Variants in FHIT observed in about 807,000 individuals in gnomAD.
FHIT encodes the protein bis(5'-adenosyl)-triphosphatase.
FHIT carries 19 observed loss-of-function variants against 17.9 expected under a neutral mutation model. The ratio of observed to expected loss-of-function variants is 1.06; its 90% CI spans 0.74 to 1.56. The LOEUF (loss-of-function observed/expected upper bound fraction) is 1.56. Ranked by LOEUF, FHIT falls within the 40% of genes most tolerant of loss-of-function variation. FHIT has a pLI of 0.00. For synonymous variants in FHIT, 81 were observed against 69.7 expected (o/e 1.16, Z -0.81); for missense variants, 248 against 189.2 (o/e 1.31, Z -1.82).
intron 5 of FHIT, among the ~76,000 whole-genome samples, chr3:60,094,670 T>C (rs1410938194): frequency 1.3e-5 from 2 of 152,044 alleles, no homozygotes; most frequent in East Asian, 1.9e-4. Flanking sequence ...GCCACATCAT[T>C]TTCCCCTACA....
At chr3:60,401,492 C>A (rs991956956) in intron 5 of FHIT, among the ~76,000 whole-genome samples, 1 of 152,008 alleles carries the variant, frequency 6.6e-6, no homozygotes, top group Non-Finnish European at 1.5e-5. Flanking sequence ...GTTCTATAAC[C>A]CTCCACCCCC....
chr3:61,197,362 C>G (rs1170583708), intron 2 of FHIT, among the ~76,000 whole-genome samples: 2 of 152,090 alleles, frequency 1.3e-5, no homozygotes, highest in Non-Finnish European at 2.9e-5. Flanking sequence ...AATGGCAGAG[C>G]CAAAACTAGA....
At chr3:60,605,760 G>T (rs971845097) in intron 4 of FHIT, among the ~76,000 whole-genome samples, 1 of 152,118 alleles carries the variant, frequency 6.6e-6, no homozygotes, top group Non-Finnish European at 1.5e-5. Context: ...ACAGCTAATG[G>T]GGCACCTGGT....
intron 5 of FHIT, among the ~76,000 whole-genome samples, chr3:60,401,371 T>C (rs933459525): frequency 1.3e-5 from 2 of 152,198 alleles, no homozygotes; most frequent in Admixed American, 6.5e-5. Flanking sequence ...CCTGTGTACC[T>C]GCCAGACTCA....
chr3:59,953,270 C>A (rs538754395), intron 7 of FHIT, among the ~76,000 whole-genome samples: 4 of 151,958 alleles, frequency 2.6e-5, no homozygotes, highest in Non-Finnish European at 5.9e-5. Context: ...GTTTCTCTCT[C>A]GGTCTTGATG....
At position 61,022,840 on chromosome 3, in the gene FHIT, G is replaced by GATGT. The variant is rs1343767729; in HGVS notation, c.-111+19206_-111+19207insACAT. Among the ~76,000 whole-genome samples, 60 of 152,168 alleles carry GATGT rather than the reference G, an allele frequency of 3.9e-4. 1 individual carries two copies. The East Asian group carries it at 0.01, about 26-fold the overall frequency. On this transcript the variant is annotated intron_variant, in intron 3 of 9. Transcript: ENST00000492590. ...CAATAAACTAGGTATTGATGGAACA[G>GATGT]ATCTCAAAATAATAAGAGCTATTTA...
chr3:61,187,466 C>A (rs189724666), intron 2 of FHIT, among the ~76,000 whole-genome samples: 30 of 152,206 alleles, frequency 2.0e-4, no homozygotes, highest in African/African-American at 7.2e-4. Context: ...ATTTAGACTC[C>A]CACACAATAA....
At chr3:60,732,352 C>T in intron 4 of FHIT, 1 of 870,628 alleles carries the variant, frequency 1.1e-6, no homozygotes, top group Non-Finnish European at 2.0e-6. Flanking sequence ...GGCAAGATGC[C>T]AGTACCTCTA....
chr3:60,632,648 C>G (rs370423585), intron 4 of FHIT, among the ~76,000 whole-genome samples: 5 of 152,108 alleles, frequency 3.3e-5, no homozygotes, highest in Admixed American at 3.3e-4. Context: ...AACAAGCTAA[C>G]GCCATAATTT....
chr3:60,397,694 G>A (rs1458551162), intron 5 of FHIT, among the ~76,000 whole-genome samples: 1 of 152,154 alleles, frequency 6.6e-6, no homozygotes, highest in East Asian at 1.9e-4. Flanking sequence ...GGTCCCCAGT[G>A]CAACCCCACT....
chr3:60,600,095 G>A (rs1559570779), intron 4 of FHIT, among the ~76,000 whole-genome samples: 1 of 152,052 alleles, frequency 6.6e-6, no homozygotes, highest in East Asian at 1.9e-4. Context: ...GTACTGGTAG[G>A]GCTGCCATTC....
chr3:60,172,599 G>A (rs148436058), intron 5 of FHIT, among the ~76,000 whole-genome samples: 5 of 152,094 alleles, frequency 3.3e-5, no homozygotes, highest in African/African-American at 1.2e-4. Flanking sequence ...GTTAGAATAA[G>A]AGAAAGAAAG....
chr3:60,496,449 T>C (rs2034303076), intron 5 of FHIT, among the ~76,000 whole-genome samples: 1 of 152,178 alleles, frequency 6.6e-6, no homozygotes, highest in South Asian at 2.1e-4. Flanking sequence ...AATAATGTGG[T>C]ACCATCTTTT....
intron 3 of FHIT, among the ~76,000 whole-genome samples, chr3:61,014,528 C>T (rs1443816509): frequency 6.6e-6 from 1 of 151,534 alleles, no homozygotes; most frequent in East Asian, 1.9e-4. Flanking sequence ...GCCTGCAATC[C>T]CAGCACTTTG....
At chr3:60,320,068 G>T (rs1159590860) in intron 5 of FHIT, among the ~76,000 whole-genome samples, 1 of 152,064 alleles carries the variant, frequency 6.6e-6, no homozygotes, top group Non-Finnish European at 1.5e-5. Context: ...TCCCTCTAAG[G>T]TGAGTTTCTT....
intron 2 of FHIT, among the ~76,000 whole-genome samples, chr3:61,181,783 C>G (rs1395638065): frequency 6.6e-6 from 1 of 152,166 alleles, no homozygotes; most frequent in African/African-American, 2.4e-5. Context: ...AAAAATCTCT[C>G]TTTGTTTTGA....
At chr3:60,263,403 T>A (rs544096945) in intron 5 of FHIT, among the ~76,000 whole-genome samples, 1 of 152,012 alleles carries the variant, frequency 6.6e-6, no homozygotes, top group African/African-American at 2.4e-5. Context: ...TGAAAAATTA[T>A]AGCTTTCTTC....
At chr3:60,183,994 T>C (rs1234853494) in intron 5 of FHIT, among the ~76,000 whole-genome samples, 2 of 58,572 alleles carry the variant, frequency 3.4e-5, no homozygotes, top group Non-Finnish European at 7.3e-5. Flanking sequence ...TTAATTTATT[T>C]TTCGTTTTTT....
At chr3:60,342,703 A>G (rs1051154715) in intron 5 of FHIT, among the ~76,000 whole-genome samples, 3 of 152,216 alleles carry the variant, frequency 2.0e-5, no homozygotes, top group African/African-American at 7.2e-5. Flanking sequence ...TTTGAAAGAG[A>G]AGTAAGATGT....
Sources: gnomAD v4.1 joint callset for allele counts (sites outside exome capture counted in the v4.1 genomes callset) on GRCh38, gnomAD v4.1.1 for gene constraint, MANE v1.5 for transcripts, NCBI Gene and HGNC (gene_info 2026-07-23, HGNC 2026-07-21) for gene names.